The following UNC13C variants were observed in gnomAD, a reference collection of about 807,000 sequenced individuals.
UNC13C encodes unc-13 homolog C, also known as protein unc-13 homolog C.
A neutral mutation model predicts 245.4 loss-of-function variants in UNC13C; 174 were observed. The ratio of observed to expected loss-of-function variants is 0.71; its 90% CI spans 0.63 to 0.80. The LOEUF (loss-of-function observed/expected upper bound fraction) is 0.80, where lower values mean the gene tolerates loss of function less well. UNC13C is among the 30% of genes least tolerant of loss of function. The pLI is 0.00. For missense variants in UNC13C, 2,829 were observed against 2,602.9 expected (o/e 1.09, Z -1.89); for synonymous variants, 992 against 895.1 (o/e 1.11, Z -1.93).
intron 4 of UNC13C, among the ~76,000 whole-genome samples, chr15:54,224,212 G>C (rs1184391355): frequency 1.3e-5 from 2 of 152,052 alleles, no homozygotes; most frequent in Non-Finnish European, 2.9e-5. Flanking sequence ...TGGTGTTACT[G>C]ATCTTAAAGG....
At chr15:54,336,068 T>C (rs571115956) in intron 16 of UNC13C, among the ~76,000 whole-genome samples, 2 of 152,104 alleles carry the variant, frequency 1.3e-5, no homozygotes, top group African/African-American at 4.8e-5. Context: ...TGATTTTCTA[T>C]CTGAATATCT....
chr15:54,240,942 G>C (rs981474542), intron 7 of UNC13C, among the ~76,000 whole-genome samples: 1 of 152,152 alleles, frequency 6.6e-6, no homozygotes, highest in African/African-American at 2.4e-5. Flanking sequence ...CTATGTGTCA[G>C]GTGTTGTTTC....
chr15:54,527,031 C>G (rs1895500586), intron 25 of UNC13C, among the ~76,000 whole-genome samples: 1 of 152,146 alleles, frequency 6.6e-6, no homozygotes, highest in Non-Finnish European at 1.5e-5. Context: ...CTTCATGGAA[C>G]TCACCTTCAG....
At chr15:53,848,710 AG>A in the UNC13C span, among the ~76,000 whole-genome samples, 1 of 152,194 alleles carries the variant, frequency 6.6e-6, no homozygotes, top group Admixed American at 6.5e-5. Context: ...CAACCTGTTT[AG>A]AATATGAAGT....
intron 4 of UNC13C, among the ~76,000 whole-genome samples, chr15:54,193,811 A>G (rs898659919): frequency 6.6e-6 from 1 of 152,172 alleles, no homozygotes; most frequent in Non-Finnish European, 1.5e-5. Context: ...TGCCAAATGT[A>G]CAAATATGGA....
chr15:53,903,840 ACATAG>A, the UNC13C span, among the ~76,000 whole-genome samples: 3 of 592 alleles, frequency 5.1e-3, no homozygotes, highest in African/African-American at 0.013. Context: ...TCTGACAGCT[ACATAG>A]CTACATTGGT....
chr15:54,178,949 G>C (rs146391301), intron 4 of UNC13C, among the ~76,000 whole-genome samples: 4 of 152,204 alleles, frequency 2.6e-5, no homozygotes, highest in African/African-American at 9.6e-5. Context: ...GGAATGGAAG[G>C]GCAAACAGAA....
At chr15:54,539,522 G>GACA (rs1250756617) in intron 26 of UNC13C, among the ~76,000 whole-genome samples, 1 of 151,748 alleles carries the variant, frequency 6.6e-6, no homozygotes, top group African/African-American at 2.4e-5. Context: ...CTTTTCTATG[G>GACA]ACAACACAGA....
At chr15:54,535,448 A>G (rs913511650) in intron 26 of UNC13C, among the ~76,000 whole-genome samples, 2 of 152,130 alleles carry the variant, frequency 1.3e-5, no homozygotes, top group Non-Finnish European at 2.9e-5. Flanking sequence ...ACTGAGGCAG[A>G]AAACTAACAA....
At chr15:53,923,903 G>T in the UNC13C span, among the ~76,000 whole-genome samples, 144,631 of 152,320 alleles carry the variant, frequency 0.95, 69,133 homozygotes, top group East Asian at 1. Context: ...AAGGGCAAAG[G>T]TTATTCAAGA....
the UNC13C span, among the ~76,000 whole-genome samples, chr15:53,917,832 A>G: frequency 1.3e-5 from 2 of 152,228 alleles, no homozygotes; most frequent in African/African-American, 4.8e-5. Context: ...GATTTTGAGA[A>G]ACGGCACTTT....
Position 54,228,524 on chromosome 15 carries a change from A to G in UNC13C, c.3072-6506A>G, listed in dbSNP as rs540285066. On this transcript the variant is annotated intron_variant, in intron 4 of 32. Coordinates refer to ENST00000260323, the MANE Select transcript of UNC13C (RefSeq NM_001080534.3). Reference sequence around the variant, plus strand: ...GGCCCATGGCGAGTACTACCTGGCTACGGCTCCTGATTATTCAGGGACCTA... The same window carrying G: ...GGCCCATGGCGAGTACTACCTGGCTGCGGCTCCTGATTATTCAGGGACCTA... Among the ~76,000 whole-genome samples, 35 of 152,272 alleles carry G rather than the reference A, an allele frequency of 2.3e-4. No homozygotes were observed. In the South Asian group the frequency reaches 7.0e-3, roughly 31 times the overall value.
chr15:54,002,428 G>A (rs780959382), intron 1 of UNC13C, among the ~76,000 whole-genome samples: 23 of 151,876 alleles, frequency 1.5e-4, no homozygotes, highest in African/African-American at 4.8e-4. Flanking sequence ...TTTACCTTGC[G>A]GGGTTGTTTT....
chr15:54,236,818 GT>G (rs1303871667), intron 6 of UNC13C, among the ~76,000 whole-genome samples: 1 of 152,186 alleles, frequency 6.6e-6, no homozygotes, highest in Non-Finnish European at 1.5e-5. Flanking sequence ...GAGGAGATAT[GT>G]ATATGACCAG....
chr15:54,070,785 G>A (rs1406528173), intron 2 of UNC13C, among the ~76,000 whole-genome samples: 2 of 152,086 alleles, frequency 1.3e-5, no homozygotes, highest in African/African-American at 4.8e-5. Context: ...ATTTGATCAA[G>A]ATAAGGAAAG....
In UNC13C at chr15:54,262,870, T is replaced by TA. The variant is rs150725404; in HGVS notation, c.3449-1295dup. ...CTTTCAAATAAATGAACATTTACAT[T>TA]AAATTATTGCTGTCAAATTGTATAT... On this transcript the variant is annotated intron_variant, in intron 8 of 32. Coordinates refer to ENST00000260323, the MANE Select transcript of UNC13C (RefSeq NM_001080534.3). Among the ~76,000 whole-genome samples, 399 of 152,294 alleles carry TA rather than the reference T, an allele frequency of 2.6e-3. 2 individuals are homozygous for TA. Among genetic ancestry groups the TA allele is most frequent in the African/African-American group, 9.2e-3 (384 of 41,578 alleles).
chr15:54,163,613 G>A (rs1037899709), intron 4 of UNC13C, among the ~76,000 whole-genome samples: 1 of 152,090 alleles, frequency 6.6e-6, no homozygotes, highest in Non-Finnish European at 1.5e-5. Context: ...AGAGCCTGTT[G>A]TGCAAATTCA....
chr15:54,321,923 G>A lies in UNC13C; in HGVS notation c.4269-16G>A, dbSNP rs183016951. 5.1e-5 allele frequency: 79 copies of A among 1,550,818 alleles called. No homozygotes were observed. Among genetic ancestry groups the A allele is most frequent in the Non-Finnish European group, 6.6e-5 (76 of 1,147,596 alleles). On this transcript the variant is annotated splice_polypyrimidine_tract_variant and intron_variant, in intron 13 of 32. Coordinates refer to ENST00000260323, the MANE Select transcript of UNC13C (RefSeq NM_001080534.3). ...AATTTCTGTCTTAAAAACACTTTATGTTTTTTGTCTTTCAGGCACTTTTCA... is the reference window on the plus strand; with the variant it reads ...AATTTCTGTCTTAAAAACACTTTATATTTTTTGTCTTTCAGGCACTTTTCA...
chr15:54,070,375 G>A (rs146896918), intron 2 of UNC13C, among the ~76,000 whole-genome samples: 17 of 152,218 alleles, frequency 1.1e-4, no homozygotes, highest in African/African-American at 3.6e-4. Flanking sequence ...AAGGCAGCCC[G>A]TGCCAACAGC....
Sources: gnomAD v4.1 joint callset for allele counts (sites outside exome capture counted in the v4.1 genomes callset) on GRCh38, gnomAD v4.1.1 for gene constraint, MANE v1.5 for transcripts, NCBI Gene and HGNC (gene_info 2026-07-23, HGNC 2026-07-21) for gene names.